TGFBI: variants seen among roughly 807,000 people sequenced by gnomAD.
The protein encoded by TGFBI is transforming growth factor beta induced.
A neutral mutation model predicts 73.7 loss-of-function variants in TGFBI; 50 were observed. The observed-to-expected ratio is 0.68, with a 90% CI of 0.54 to 0.86. The LOEUF (loss-of-function observed/expected upper bound fraction) is 0.86. Among genes scored for constraint, TGFBI ranks in the 40% least tolerant of loss-of-function variants. The pLI, the probability that TGFBI is intolerant of heterozygous loss-of-function variation, is 0.00. For missense variants in TGFBI, 839 were observed against 877.0 expected (o/e 0.96, Z 0.55); for synonymous variants, 362 against 360.5 (o/e 1.00, Z -0.05).
In TGFBI at chr5:136,040,241, A is replaced by T. The variant is rs534251391; in HGVS notation, c.234-3817A>T. On this transcript the variant is annotated intron_variant, in intron 2 of 16. Transcript: ENST00000442011. ...CCCTACACATAGACTTTGGGTTGAC[A>T]TTATCTCTTTGCACCTTCCTTGAAA... is the stretch of plus-strand genomic sequence containing the variant. 1.1e-4 allele frequency among the ~76,000 whole-genome samples: 16 copies of T among 152,294 alleles called. 1 individual carries two copies. The South Asian group carries it at 3.3e-3, about 32-fold the overall frequency.
At chr5:136,053,204 A>G in intron 8 of TGFBI, 85 bp downstream of exon 8, 1 of 1,376,414 alleles carries the variant, frequency 7.3e-7, no homozygotes, top group Admixed American at 1.9e-5. Context: ...GGAAATTCAG[A>G]GATCTTTGGG....
chr5:136,058,968 C>T, intron 12 of TGFBI, 122 bp from the exon 13 acceptor site: 1 of 1,283,350 alleles, frequency 7.8e-7, no homozygotes, highest in Non-Finnish European at 1.1e-6. Flanking sequence ...AGTGCTTATT[C>T]CCTGGGCAGG....
chr5:136,029,578 A>G (rs1751078262), intron 1 of TGFBI, among the ~76,000 whole-genome samples: 1 of 152,172 alleles, frequency 6.6e-6, no homozygotes, highest in Admixed American at 6.5e-5. Context: ...CCAGCAGTAC[A>G]CCTATTCCAA....
chr5:136,061,648 C>T (rs752861303), intron 15 of TGFBI, 69 bp downstream of exon 15: 11 of 1,305,584 alleles, frequency 8.4e-6, no homozygotes, highest in Middle Eastern at 3.7e-4. Flanking sequence ...CATAGAGGAG[C>T]CTCTCCAGCC....
chr5:136,030,697 C>A (rs920957036), intron 1 of TGFBI, among the ~76,000 whole-genome samples: 2 of 152,150 alleles, frequency 1.3e-5, no homozygotes, highest in Non-Finnish European at 2.9e-5. Context: ...TATCTCTGCC[C>A]ACCTCTCCGT....
intron 3 of TGFBI, chr5:136,044,742 T>G (rs976959759): frequency 6.6e-6 from 1 of 152,308 alleles, no homozygotes; most frequent in Non-Finnish European, 1.5e-5. Context: ...CACAAGTGAC[T>G]GTACAGGGGA....
chr5:136,033,839 A>C lies in TGFBI; in HGVS notation c.211A>C (p.Arg71=). 6.2e-7 allele frequency: 1 copy of C among 1,613,858 alleles called. No homozygotes were observed. The highest frequency in any genetic ancestry group is 1.1e-5 in the South Asian group (1 of 90,974). ...YFTNCKQWYQ[R]KICGKSTVIS... ...CACCAACTGCAAGCAGTGGTACCAA[A>C]GGAAAATCTGTGGCAAATCAACGTG... The change falls in exon 2 of 17, where the codon AGG becomes CGG. Residue 71 remains arginine (R), a synonymous_variant. Coordinates refer to ENST00000442011, the MANE Select transcript of TGFBI (RefSeq NM_000358.3).
intron 13 of TGFBI, 112 bp downstream of exon 13, chr5:136,059,326 A>C: frequency 2.8e-6 from 4 of 1,428,932 alleles, no homozygotes; most frequent in Non-Finnish European, 3.8e-6. Context: ...TTGCAGCCCG[A>C]ATCTCTGAGT....
chr5:136,054,102 T>A, intron 9 of TGFBI, 22 bp downstream of exon 9: 3 of 1,606,448 alleles, frequency 1.9e-6, no homozygotes, highest in Non-Finnish European at 1.7e-6. Context: ...AAGGCATCCC[T>A]GTTAGATTGT....
In TGFBI at chr5:136,053,961, T is replaced by G. The variant is rs1751582073; in HGVS notation, c.1145T>G (p.Leu382Trp). The G allele has an allele frequency of 6.2e-7, 1 of 1,614,012 alleles. No homozygotes were observed. Residue 382 changes from leucine to tryptophan, a missense_variant, in exon 9 of 17, where the codon TTG (leucine) becomes TGG (tryptophan). Physicochemically the swap from Leu to Trp is moderately conservative, Grantham distance 61 (BLOSUM62 -2). Coordinates refer to ENST00000442011, the MANE Select transcript of TGFBI (RefSeq NM_000358.3). Reference protein sequence around the residue: ...IPDSAKTLFELAAESDVSTAI... With the variant: ...IPDSAKTLFEWAAESDVSTAI... ...CTTGTAGCCAAGACACTATTTGAAT[T>G]GGCTGCAGAGTCTGATGTGTCCACA...
rs367944058 is a variant in TGFBI, at chr5:136,056,759, C to T, written c.1642C>T (p.Arg548Ter). 10 of 1,613,740 alleles carry T rather than the reference C, an allele frequency of 6.2e-6. No homozygotes were observed. Among genetic ancestry groups the T allele is most frequent in the Admixed American group, 3.3e-5 (2 of 59,978 alleles). ...CTTTGCTCCCACAAATGAAGCCTTCCGAGCCCTGCCACCAAGAGAACGGAG... is the reference window on the plus strand; with the variant it reads ...CTTTGCTCCCACAAATGAAGCCTTCTGAGCCCTGCCACCAAGAGAACGGAG... ...TVFAPTNEAF[R>*]ALPPRERSRL... The change falls in exon 12 of 17, where the codon CGA becomes TGA. Residue 548 changes from arginine (R) to a stop codon, truncating the protein, a stop_gained. Coordinates refer to ENST00000442011, the MANE Select transcript of TGFBI (RefSeq NM_000358.3). LOFTEE classifies it high-confidence loss of function.
At chr5:136,060,755 C>A in intron 13 of TGFBI, 79 bp from the exon 14 acceptor site, 1 of 1,140,506 alleles carries the variant, frequency 8.8e-7, no homozygotes, top group Non-Finnish European at 1.2e-6. Flanking sequence ...TCAGTAAACA[C>A]TTGCTGAATG....
intron 9 of TGFBI, 136 bp from the exon 10 acceptor site, chr5:136,054,580 G>T: frequency 9.1e-7 from 1 of 1,103,426 alleles, no homozygotes; most frequent in Non-Finnish European, 1.4e-6. Context: ...AAGGAATATT[G>T]GCAGCTTCAC....
chr5:136,044,869 T>G (rs1751400841), intron 3 of TGFBI: 2 of 152,222 alleles, frequency 1.3e-5, no homozygotes, highest in Non-Finnish European at 2.9e-5. Context: ...TGATATAAAG[T>G]GGTATAGTAT....
At chr5:136,054,679 A>C in intron 9 of TGFBI, 37 bp from the exon 10 acceptor site, 1 of 1,613,636 alleles carries the variant, frequency 6.2e-7, no homozygotes, top group South Asian at 1.1e-5. Flanking sequence ...TTGCAGGAGC[A>C]CATCTCTCTG....
Position 136,050,303 on chromosome 5 carries a change from G to C in TGFBI, c.913+723G>C, listed in dbSNP as rs538836617. ...GCCAAGCTTGCACCACTGCACTCCA[G>C]CCTGGGTGACACAGCGACACTCCGT... On this transcript the variant is annotated intron_variant, in intron 7 of 16. Coordinates refer to ENST00000442011, the MANE Select transcript of TGFBI (RefSeq NM_000358.3). 1.8e-4 allele frequency among the ~76,000 whole-genome samples: 27 copies of C among 147,092 alleles called. 1 individual carries two copies. Among genetic ancestry groups the C allele is most frequent in the Middle Eastern group, 3.7e-3 (1 of 272 alleles).
intron 4 of TGFBI, 163 bp downstream of exon 4, chr5:136,046,658 C>A: frequency 1.6e-6 from 2 of 1,224,478 alleles, no homozygotes; most frequent in Non-Finnish European, 2.2e-6. Flanking sequence ...TAAAATATGT[C>A]TTACCAGGTT....
chr5:136,039,594 C>G (rs191633056), intron 2 of TGFBI, among the ~76,000 whole-genome samples: 1 of 152,180 alleles, frequency 6.6e-6, no homozygotes, highest in Admixed American at 6.5e-5. Flanking sequence ...TCCCCAAGAC[C>G]GCTCATCAGA....
chr5:136,047,156 A>G, intron 5 of TGFBI, 118 bp from the exon 6 acceptor site: 1 of 1,533,850 alleles, frequency 6.5e-7, no homozygotes, highest in Non-Finnish European at 8.8e-7. Context: ...CCTCTATTCC[A>G]CAGCTTGTGG....
Sources: gnomAD v4.1 joint callset for allele counts (sites outside exome capture counted in the v4.1 genomes callset) on GRCh38, gnomAD v4.1.1 for gene constraint, MANE v1.5 for transcripts, NCBI Gene and HGNC (gene_info 2026-07-23, HGNC 2026-07-21) for gene names.